Variants in CD38 observed in about 807,000 individuals in gnomAD.
CD38 encodes the protein ADP-ribosyl cyclase/cyclic ADP-ribose hydrolase 1.
A neutral mutation model predicts 36.3 loss-of-function variants in CD38; 31 were observed. The observed-to-expected ratio is 0.85, with a 90% CI of 0.64 to 1.15. The LOEUF (loss-of-function observed/expected upper bound fraction) is 1.15, where lower values mean the gene tolerates loss of function less well. Among genes scored for constraint, CD38 ranks in the 50% most tolerant of loss-of-function variants. CD38 has a pLI of 0.00. For missense variants in CD38, 380 were observed against 371.9 expected (o/e 1.02, Z -0.18); for synonymous variants, 131 against 135.2 (o/e 0.97, Z 0.22).
chr4:15,785,220 G>A (rs964344903), intron 1 of CD38, among the ~76,000 whole-genome samples: 2 of 152,096 alleles, frequency 1.3e-5, no homozygotes, highest in South Asian at 2.1e-4. Flanking sequence ...GAGTACTTAC[G>A]CAAATTAGCT....
At chr4:15,791,713 G>A (rs1422754062) in intron 1 of CD38, among the ~76,000 whole-genome samples, 22 of 81,000 alleles carry the variant, frequency 2.7e-4, no homozygotes, top group African/African-American at 1.8e-3. Flanking sequence ...CGCCCCGTCC[G>A]GGAGGTGAGG....
At chr4:15,791,358 T>G (rs1411026493) in intron 1 of CD38, among the ~76,000 whole-genome samples, 3 of 26,652 alleles carry the variant, frequency 1.1e-4, no homozygotes, top group South Asian at 1.5e-3. Context: ...GTGGTGGGGG[T>G]CAGCCCCCCG....
chr4:15,787,346 C>T (rs1215671837), intron 1 of CD38, among the ~76,000 whole-genome samples: 1 of 152,220 alleles, frequency 6.6e-6, no homozygotes, highest in African/African-American at 2.4e-5. Context: ...TTTATGGAGC[C>T]TAGTACAGAA....
At chr4:15,787,656 G>A (rs909515050) in intron 1 of CD38, among the ~76,000 whole-genome samples, 1 of 152,200 alleles carries the variant, frequency 6.6e-6, no homozygotes, top group African/African-American at 2.4e-5. Context: ...TCTCCTGGTT[G>A]CCAGGACGTG....
Position 15,778,687 on chromosome 4 carries a change from G to C in CD38, c.233+40G>C, listed in dbSNP as rs1722615397. The stretch of plus-strand genomic sequence containing the variant: ...AAGGCGCACCGGTGGGCACTGCGGG[G>C]ACAGCAGGGCCCCGCGCGCAGGGAA... On this transcript the variant is annotated intron_variant, in intron 1 of 7. Coordinates refer to ENST00000226279, the MANE Select transcript of CD38 (RefSeq NM_001775.4). The surrounding 1 kb of genome is among the most constrained non-coding windows in gnomAD (Gnocchi z 4.9). 9 of 1,402,108 alleles carry C rather than the reference G, an allele frequency of 6.4e-6. No individual in the cohort carries two copies. Among genetic ancestry groups the C allele is most frequent in the African/African-American group, 1.4e-5 (1 of 70,860 alleles). 86.9% of individuals were successfully genotyped at this position (1,402,108 alleles called of 1,614,324 possible).
chr4:15,783,258 TG>T (rs1003701113), intron 1 of CD38, among the ~76,000 whole-genome samples: 2 of 151,272 alleles, frequency 1.3e-5, no homozygotes, highest in Non-Finnish European at 2.9e-5. Context: ...ATGTCAGGGG[TG>T]GGGTGGGGCC....
chr4:15,779,689 T>G (rs1722649066), intron 1 of CD38, among the ~76,000 whole-genome samples: 4 of 152,120 alleles, frequency 2.6e-5, no homozygotes, highest in Admixed American at 2.6e-4. Flanking sequence ...TTACACATAA[T>G]TAGATACTTA....
intron 3 of CD38, among the ~76,000 whole-genome samples, chr4:15,828,677 G>C (rs1257731827): frequency 6.6e-6 from 1 of 152,138 alleles, no homozygotes; most frequent in Non-Finnish European, 1.5e-5. Flanking sequence ...AGTCTGAATA[G>C]TATTCCATTG....
intron 3 of CD38, among the ~76,000 whole-genome samples, chr4:15,829,402 G>A (rs1723916301): frequency 6.6e-6 from 1 of 152,018 alleles, no homozygotes; most frequent in South Asian, 2.1e-4. Flanking sequence ...TTTTAAAACA[G>A]GGGTGTCCAA....
In CD38 at chr4:15,848,634, C is replaced by G. The variant is rs776901371; in HGVS notation, c.*32C>G. ...CGCTGTGGTTGTTTTAGCTCCTTGA[C>G]TCCTTGTGGTTTATGTCATCATACA... On this transcript the variant is annotated 3_prime_UTR_variant, in exon 8 of 8. Coordinates refer to ENST00000226279, the MANE Select transcript of CD38 (RefSeq NM_001775.4). 3.1e-5 allele frequency: 49 copies of G among 1,579,464 alleles called. No individual in the cohort carries two copies. The highest frequency in any genetic ancestry group is 3.9e-5 in the Non-Finnish European group (45 of 1,148,872).
chr4:15,850,291 CCT>C lies in CD38; in HGVS notation c.*1690_*1691del, dbSNP rs1415192190. On this transcript the variant is annotated 3_prime_UTR_variant, in exon 8 of 8. Transcript: ENST00000226279. ...TCTGGCCTGAGTGACAGATTGAGAC[CCT>C]GTCTCAATAAAAGCAAAAATAAAGA... is the stretch of plus-strand genomic sequence containing the variant. 4 of 152,018 alleles carry C rather than the reference CCT, an allele frequency of 2.6e-5. No individual in the cohort carries two copies. The highest frequency in any genetic ancestry group is 5.9e-5 in the Non-Finnish European group (4 of 68,006). The allele number at this position is 152,018 out of a possible 1,614,324, so 9.4% of individuals were successfully genotyped here.
intron 1 of CD38, among the ~76,000 whole-genome samples, chr4:15,793,845 A>C (rs1361674497): frequency 1.3e-5 from 2 of 152,222 alleles, no homozygotes; most frequent in Non-Finnish European, 2.9e-5. Flanking sequence ...ATGTGAGAGA[A>C]AAAGAAGAAA....
At chr4:15,835,754 T>C (rs141149531) in intron 4 of CD38, among the ~76,000 whole-genome samples, 8,942 of 152,162 alleles carry the variant, frequency 0.059, 360 homozygotes, top group East Asian at 0.18. Context: ...TCAGGTGATC[T>C]ACCCACCTTG....
intron 3 of CD38, among the ~76,000 whole-genome samples, chr4:15,827,182 G>T (rs1053788257): frequency 6.6e-6 from 1 of 152,052 alleles, no homozygotes; most frequent in African/African-American, 2.4e-5. Context: ...CCAGTAAGTG[G>T]CAAAGCAAGA....
chr4:15,791,754 A>G (rs1723000807), intron 1 of CD38, among the ~76,000 whole-genome samples: 1 of 70,438 alleles, frequency 1.4e-5, no homozygotes. Context: ...CCTACTGGGA[A>G]GTGAGGATCC....
chr4:15,807,281 T>G (rs1367070176), intron 1 of CD38, among the ~76,000 whole-genome samples: 1 of 152,166 alleles, frequency 6.6e-6, no homozygotes, highest in African/African-American at 2.4e-5. Context: ...TTAAATAAAT[T>G]TCCTCTACTG....
At chr4:15,786,194 G>A (rs1328255111) in intron 1 of CD38, among the ~76,000 whole-genome samples, 1 of 152,196 alleles carries the variant, frequency 6.6e-6, no homozygotes, top group Non-Finnish European at 1.5e-5. Flanking sequence ...TAGAAGTGTA[G>A]AACGGGACGC....
At chr4:15,799,449 G>A (rs1723170385) in intron 1 of CD38, among the ~76,000 whole-genome samples, 1 of 152,100 alleles carries the variant, frequency 6.6e-6, no homozygotes, top group Non-Finnish European at 1.5e-5. Context: ...TGTTACGGGA[G>A]ATAAATTTAC....
intron 1 of CD38, among the ~76,000 whole-genome samples, chr4:15,781,243 A>G (rs751705401): frequency 1.9e-4 from 29 of 152,308 alleles, no homozygotes; most frequent in Non-Finnish European, 3.8e-4. Flanking sequence ...ACTTTTTACC[A>G]GGACATAATA....
Sources: allele counts gnomAD v4.1 joint callset (sites outside exome capture counted in the v4.1 genomes callset), GRCh38; gene constraint gnomAD v4.1.1; non-coding constraint Gnocchi (gnomAD v3.1); transcripts MANE v1.5; gene names NCBI Gene and HGNC (gene_info 2026-07-23, HGNC 2026-07-21).